DYNC2H1: variants seen among roughly 807,000 people sequenced by gnomAD.
DYNC2H1 encodes the protein dynein cytoplasmic 2 heavy chain 1.
Under a neutral mutation model 570.0 loss-of-function variants are expected in DYNC2H1, and 410 were observed. The observed-to-expected ratio is 0.72, with a 90% CI of 0.66 to 0.78. The LOEUF (loss-of-function observed/expected upper bound fraction) is 0.78. Ranked by LOEUF, DYNC2H1 falls within the 30% of genes least tolerant of loss-of-function variation. DYNC2H1 has a pLI of 0.00. For synonymous variants in DYNC2H1, 1,688 were observed against 1,677.6 expected, an observed-to-expected ratio of 1.01 and a Z score of -0.15; for missense variants, 4,865 against 5,046.4, an observed-to-expected ratio of 0.96 and a Z score of 1.09.
At position 103,228,550 on chromosome 11, in the gene DYNC2H1, T is replaced by C. The variant is rs1863883715; in HGVS notation, c.9354-2710T>C. Among the ~76,000 whole-genome samples, 1 of 152,150 alleles carries C rather than the reference T, an allele frequency of 6.6e-6. No individual in the cohort carries two copies. Among genetic ancestry groups the C allele is most frequent in the East Asian group, 1.9e-4 (1 of 5,190 alleles). ...TCCTGTGATGTGATCTGTCTTCAGG[T>C]ATCTTAGCTGTGGATACCAGCACCT... On this transcript the variant is annotated intron_variant, in intron 59 of 88. Transcript: ENST00000375735. This position sits in a 1 kb window ranked among gnomAD's most constrained non-coding sequence, Gnocchi z 6.1.
In DYNC2H1 at chr11:103,307,746, A is replaced by T; in HGVS notation, c.11408A>T (p.Asp3803Val). 6.2e-7 allele frequency: 1 copy of T among 1,601,788 alleles called. No homozygotes were observed. Among genetic ancestry groups the T allele is most frequent in the Non-Finnish European group, 8.5e-7 (1 of 1,173,322 alleles). ...GAATTGAATACTCTTCAACCTAAAG[A>T]TACCTTTCGTCTTTGGCTCACTGCA... Reference protein sequence around the residue: ...EKELNTLQPKDTFRLWLTAEV... With the variant: ...EKELNTLQPKVTFRLWLTAEV... The change falls in exon 78 of 89, where the codon GAT becomes GTT. Residue 3803 changes from aspartate to valine, a missense_variant. This residue lies in a region of DYNC2H1 where 2,401 missense variants were observed against 2,454.6 expected (regional missense o/e 0.98). Transcript: ENST00000375735.
intron 19 of DYNC2H1, 95 bp from the exon 20 acceptor site, chr11:103,148,395 G>T: frequency 1.5e-6 from 2 of 1,298,822 alleles, no homozygotes; most frequent in Non-Finnish European, 2.1e-6. Context: ...TCCATGTACT[G>T]ATTACTTCTA....
At chr11:103,350,763 GCA>G (rs934571801) in intron 82 of DYNC2H1, among the ~76,000 whole-genome samples, 3 of 152,026 alleles carry the variant, frequency 2.0e-5, no homozygotes, top group African/African-American at 7.3e-5. Flanking sequence ...TTGTACATGT[GCA>G]CAGAGAGTGA....
At chr11:103,367,442 C>T (rs959459978) in intron 83 of DYNC2H1, among the ~76,000 whole-genome samples, 2 of 152,026 alleles carry the variant, frequency 1.3e-5, no homozygotes, top group African/African-American at 2.4e-5. Context: ...CTTTAGTTTT[C>T]AAAATTTGTT....
At chr11:103,468,784 G>GAAAA in intron 88 of DYNC2H1, 79 bp downstream of exon 88, 3 of 1,170,792 alleles carry the variant, frequency 2.6e-6, no homozygotes, top group Non-Finnish European at 3.6e-6. Flanking sequence ...AGACATTCTT[G>GAAAA]GCCTGTGTAT....
Position 103,256,366 on chromosome 11 carries a change from C to T in DYNC2H1, c.10461+126C>T, listed in dbSNP as rs929809956. The T allele has an allele frequency of 7.5e-6, 7 of 929,634 alleles. No homozygotes were observed. Among genetic ancestry groups the T allele is most frequent in the South Asian group, 3.6e-5 (2 of 55,644 alleles). 57.6% of individuals were successfully genotyped at this position (929,634 alleles called of 1,614,324 possible). A position where few individuals can be genotyped will look rare whatever the true frequency, so the allele number is the denominator to read the frequency against. ...TGAAAAGAAAAAAGCTATTCAAAAA[C>T]ATCAGAACATTGGGTTTGATTCTAG... is the stretch of plus-strand genomic sequence containing the variant. On this transcript the variant is annotated intron_variant, in intron 68 of 88. Coordinates refer to ENST00000375735, the MANE Select transcript of DYNC2H1 (RefSeq NM_001377.3). The surrounding 1 kb of genome is among the most constrained non-coding windows in gnomAD (Gnocchi z 4.0).
At chr11:103,344,171 A>G (rs904927033) in intron 82 of DYNC2H1, among the ~76,000 whole-genome samples, 1 of 152,234 alleles carries the variant, frequency 6.6e-6, no homozygotes, top group Non-Finnish European at 1.5e-5. Context: ...ACATTTACAT[A>G]AACACGAAAT....
chr11:103,393,227 T>C (rs1290783947), intron 83 of DYNC2H1, among the ~76,000 whole-genome samples: 1 of 152,248 alleles, frequency 6.6e-6, no homozygotes, highest in East Asian at 1.9e-4. Context: ...GAAAGGCATA[T>C]GCCTGACACA....
chr11:103,458,139 A>C (rs1321027721), intron 87 of DYNC2H1, among the ~76,000 whole-genome samples: 1 of 152,186 alleles, frequency 6.6e-6, no homozygotes, highest in Non-Finnish European at 1.5e-5. Flanking sequence ...CATTCTTTCA[A>C]ACTCCATTCA....
chr11:103,140,545 C>G (rs1037954461), intron 17 of DYNC2H1, among the ~76,000 whole-genome samples: 6 of 152,194 alleles, frequency 3.9e-5, no homozygotes, highest in African/African-American at 7.2e-5. Context: ...GGCCCCCACT[C>G]TCTTCTGGCT....
At chr11:103,161,530 CA>C (rs1183582704) in intron 29 of DYNC2H1, among the ~76,000 whole-genome samples, 1 of 152,108 alleles carries the variant, frequency 6.6e-6, no homozygotes, top group Non-Finnish European at 1.5e-5. Flanking sequence ...CTTTGAGCAT[CA>C]TGTCAACCTC....
At chr11:103,287,412 A>G (rs1234651002) in intron 74 of DYNC2H1, 121 bp from the exon 75 acceptor site, 3 of 781,306 alleles carry the variant, frequency 3.8e-6, no homozygotes, top group Non-Finnish European at 6.1e-6. Context: ...ATAATATGGA[A>G]CAATGATAAG....
At chr11:103,215,655 C>A in intron 54 of DYNC2H1, 66 bp from the exon 55 acceptor site, 3 of 1,309,132 alleles carry the variant, frequency 2.3e-6, no homozygotes, top group Non-Finnish European at 2.9e-6. Context: ...TTCTATAGGG[C>A]TTTATTTACT....
chr11:103,342,708 G>A (rs1011489947), intron 82 of DYNC2H1, among the ~76,000 whole-genome samples: 6 of 151,916 alleles, frequency 3.9e-5, no homozygotes, highest in Non-Finnish European at 7.4e-5. Context: ...GTTTCACCAT[G>A]TTAGCCAGGA....
intron 22 of DYNC2H1, among the ~76,000 whole-genome samples, chr11:103,153,850 T>A (rs1860685632): frequency 6.6e-6 from 1 of 151,742 alleles, no homozygotes; most frequent in African/African-American, 2.4e-5. Context: ...GAGAAAAAAA[T>A]AAATCTAGCA....
chr11:103,425,221 C>T (rs890218575), intron 84 of DYNC2H1, among the ~76,000 whole-genome samples: 6 of 149,224 alleles, frequency 4.0e-5, no homozygotes, highest in South Asian at 2.1e-4. Flanking sequence ...TTACAGGTGG[C>T]GCCACCTGGC....
At chr11:103,386,734 A>C (rs1456423941) in intron 83 of DYNC2H1, among the ~76,000 whole-genome samples, 1 of 151,998 alleles carries the variant, frequency 6.6e-6, no homozygotes, top group Non-Finnish European at 1.5e-5. Context: ...CCCACCTATG[A>C]GTGAGAACAT....
intron 72 of DYNC2H1, among the ~76,000 whole-genome samples, chr11:103,282,625 T>G (rs528936909): frequency 6.6e-6 from 1 of 152,106 alleles, no homozygotes; most frequent in African/African-American, 2.4e-5. Flanking sequence ...TCCTACTAAT[T>G]TCCTATTTGA....
At position 103,472,253 on chromosome 11, in the gene DYNC2H1, G is replaced by C. The variant is rs1038443045; in HGVS notation, c.12765+3548G>C. On this transcript the variant is annotated intron_variant, in intron 88 of 88. Coordinates refer to ENST00000375735, the MANE Select transcript of DYNC2H1 (RefSeq NM_001377.3). This position sits in a 1 kb window ranked among gnomAD's most constrained non-coding sequence, Gnocchi z 4.1. Reference sequence around the variant, plus strand: ...AAGAATTTAGAACAGGGCCAGGCACGGTGGCTCACACCTGTAATCCCATCA... The same window carrying C: ...AAGAATTTAGAACAGGGCCAGGCACCGTGGCTCACACCTGTAATCCCATCA... Among the ~76,000 whole-genome samples the C allele has an allele frequency of 8.6e-5, 13 of 152,038 alleles. No individual in the cohort carries two copies. The highest frequency in any genetic ancestry group is 1.5e-4 in the Non-Finnish European group (10 of 68,016).
Sources: gnomAD v4.1 joint callset for allele counts (sites outside exome capture counted in the v4.1 genomes callset) on GRCh38, gnomAD v4.1.1 for gene constraint, gnomAD v4.1.1 regional missense constraint, Gnocchi (gnomAD v3.1) non-coding constraint, MANE v1.5 for transcripts, NCBI Gene and HGNC (gene_info 2026-07-23, HGNC 2026-07-21) for gene names.